FGF14: variants seen among roughly 807,000 people sequenced by gnomAD.
FGF14 encodes fibroblast growth factor homologous factor 4.
FGF14 carries 5 observed loss-of-function variants against 25.5 expected under a neutral mutation model. That is an observed-to-expected ratio of 0.20 (90% CI 0.10 to 0.41). FGF14 has a LOEUF of 0.41. Ranked by LOEUF, FGF14 falls within the 10% of genes least tolerant of loss-of-function variation. FGF14 has a pLI of 1.00. For synonymous variants in FGF14, 138 were observed against 118.3 expected, an observed-to-expected ratio of 1.17 and a Z score of -1.08; for missense variants, 222 against 320.1, an observed-to-expected ratio of 0.69 and a Z score of 2.34.
chr13:102,315,707 G>C (rs1180778042), intron 1 of FGF14, among the ~76,000 whole-genome samples: 1 of 152,090 alleles, frequency 6.6e-6, no homozygotes, highest in Non-Finnish European at 1.5e-5. Flanking sequence ...AAATATTATT[G>C]CATCTAAAAT....
At chr13:102,121,800 A>C (rs939285548) in intron 1 of FGF14, among the ~76,000 whole-genome samples, 3 of 152,220 alleles carry the variant, frequency 2.0e-5, no homozygotes, top group African/African-American at 7.2e-5. Context: ...ATGGAGTGTA[A>C]ATTCATCAGG....
chr13:101,767,337 G>A (rs976569858), intron 3 of FGF14, among the ~76,000 whole-genome samples: 1 of 152,068 alleles, frequency 6.6e-6, no homozygotes, highest in Non-Finnish European at 1.5e-5. Context: ...TGATTTAATT[G>A]GTCTGGTGTG....
intron 3 of FGF14, among the ~76,000 whole-genome samples, chr13:101,867,060 T>G (rs1003591110): frequency 2.0e-5 from 3 of 152,116 alleles, no homozygotes; most frequent in Admixed American, 6.6e-5. Context: ...TAACAAGCCT[T>G]AAATTGTTCC....
intron 1 of FGF14, among the ~76,000 whole-genome samples, chr13:101,960,696 G>A (rs544827729): frequency 2.0e-5 from 3 of 152,216 alleles, no homozygotes; most frequent in East Asian, 1.9e-4. Flanking sequence ...ATAGTCCTTC[G>A]GGTGTATATC....
chr13:102,380,279 G>A (rs535279469), intron 1 of FGF14, among the ~76,000 whole-genome samples: 11 of 151,976 alleles, frequency 7.2e-5, no homozygotes, highest in Admixed American at 6.6e-5. Context: ...CATGGAACAG[G>A]CATATAGTTT....
chr13:102,271,803 A>C (rs1335192411), intron 1 of FGF14, among the ~76,000 whole-genome samples: 2 of 152,142 alleles, frequency 1.3e-5, no homozygotes, highest in Non-Finnish European at 2.9e-5. Context: ...CCAAAAATTT[A>C]ATCTGAATCT....
intron 1 of FGF14, among the ~76,000 whole-genome samples, chr13:102,040,198 C>G (rs1245341366): frequency 1.3e-5 from 2 of 152,180 alleles, no homozygotes; most frequent in Non-Finnish European, 2.9e-5. Context: ...CTCCTCTGCT[C>G]CCTAGTGGGT....
At chr13:102,149,381 T>G (rs2046986193) in intron 1 of FGF14, among the ~76,000 whole-genome samples, 8 of 152,140 alleles carry the variant, frequency 5.3e-5, no homozygotes. Flanking sequence ...GTCAACAGGC[T>G]TCTGTACCAT....
chr13:102,022,033 C>T (rs1414713244), intron 1 of FGF14, among the ~76,000 whole-genome samples: 2 of 152,116 alleles, frequency 1.3e-5, no homozygotes, highest in Non-Finnish European at 2.9e-5. Flanking sequence ...GCCATATCTA[C>T]TCTGCGTCCA....
At chr13:102,066,234 A>T (rs1469702556) in intron 1 of FGF14, among the ~76,000 whole-genome samples, 3 of 152,184 alleles carry the variant, frequency 2.0e-5, no homozygotes, top group African/African-American at 7.2e-5. Flanking sequence ...TGGTAATATT[A>T]TTTTTAAAAT....
rs912262218 is a variant in FGF14 at position 101,952,532 on chromosome 13, A to G, written c.209-77236T>C. Among the ~76,000 whole-genome samples, 10 of 152,156 alleles carry G rather than the reference A, an allele frequency of 6.6e-5. No homozygotes were observed. In the South Asian group the frequency reaches 2.1e-3, roughly 32 times the overall value. ...TAAATCTGAATGATGAAACGACACAATTGGCAAAAATAACTTTCCTGTGGC... is the reference window on the plus strand; with the variant it reads ...TAAATCTGAATGATGAAACGACACAGTTGGCAAAAATAACTTTCCTGTGGC... On this transcript the variant is annotated intron_variant, in intron 1 of 4. Coordinates refer to the FGF14 transcript ENST00000376131.
chr13:101,798,035 G>A (rs2040653327), intron 3 of FGF14, among the ~76,000 whole-genome samples: 1 of 152,046 alleles, frequency 6.6e-6, no homozygotes. Context: ...TCTTCGATAA[G>A]CTGTAGTTTA....
chr13:102,348,588 A>G (rs2057181868), intron 1 of FGF14, among the ~76,000 whole-genome samples: 1 of 152,234 alleles, frequency 6.6e-6, no homozygotes, highest in Admixed American at 6.5e-5. Flanking sequence ...AGAAAAGTCT[A>G]ACACCAGATA....
chr13:102,288,837 G>C (rs140166191), intron 1 of FGF14, among the ~76,000 whole-genome samples: 5 of 152,032 alleles, frequency 3.3e-5, no homozygotes, highest in African/African-American at 9.7e-5. Context: ...CGCCTGCCTT[G>C]GCCTCCCAAC....
chr13:102,181,394 A>G (rs933468354), intron 1 of FGF14, among the ~76,000 whole-genome samples: 2 of 152,152 alleles, frequency 1.3e-5, no homozygotes, highest in African/African-American at 4.8e-5. Context: ...ACAAAGATAT[A>G]TTGAAGTCCT....
chr13:101,795,519 A>C (rs1296207634), intron 3 of FGF14, among the ~76,000 whole-genome samples: 1 of 152,066 alleles, frequency 6.6e-6, no homozygotes, highest in Non-Finnish European at 1.5e-5. Flanking sequence ...CAGCTTTTCC[A>C]TACCCCTGAC....
chr13:102,095,213 A>C (rs150576145), intron 1 of FGF14, among the ~76,000 whole-genome samples: 1 of 152,126 alleles, frequency 6.6e-6, no homozygotes, highest in East Asian at 1.9e-4. Flanking sequence ...GATATTGGGG[A>C]AAAAAAGTCA....
chr13:101,962,560 T>C (rs944763557), intron 1 of FGF14, among the ~76,000 whole-genome samples: 3 of 152,120 alleles, frequency 2.0e-5, no homozygotes, highest in African/African-American at 4.8e-5. Context: ...AAAAACACTA[T>C]TGAAAAATAG....
At chr13:102,123,604 T>TGTCTAA (rs10658686) in intron 1 of FGF14, among the ~76,000 whole-genome samples, 102,767 of 151,706 alleles carry the variant, frequency 0.68, 36,294 homozygotes, top group East Asian at 0.9. Flanking sequence ...ACTATGAAGC[T>TGTCTAA]GTCCTTAGAT....
Sources: gnomAD v4.1 joint callset for allele counts (sites outside exome capture counted in the v4.1 genomes callset) on GRCh38, gnomAD v4.1.1 for gene constraint, MANE v1.5 for transcripts, NCBI Gene and HGNC (gene_info 2026-07-23, HGNC 2026-07-21) for gene names.